TBC1D8B: variants seen among roughly 807,000 people sequenced by gnomAD.
The protein encoded by TBC1D8B is RP11-321G1.1.
A neutral mutation model predicts 82.9 loss-of-function variants in TBC1D8B; 75 were observed. The observed-to-expected ratio is 0.90, with a 90% CI of 0.75 to 1.10. The LOEUF (loss-of-function observed/expected upper bound fraction) is 1.10, where lower values mean the gene tolerates loss of function less well. Ranked by LOEUF, TBC1D8B falls within the 50% of genes least tolerant of loss-of-function variation. The pLI, the probability that TBC1D8B is intolerant of heterozygous loss-of-function variation, is 0.00. For synonymous variants in TBC1D8B, 276 were observed against 276.8 expected (o/e 1.00, Z 0.03); for missense variants, 794 against 796.9 (o/e 1.00, Z 0.04).
At chrX:106,813,962 G>C (rs775649755) in intron 1 of TBC1D8B, 1 of 109,054 alleles carries the variant, frequency 9.2e-6, no homozygotes, top group East Asian at 2.9e-4. Context: ...ACCCATTAAC[G>C]CGTCATTTAG....
rs1345332581 is a variant in TBC1D8B, at chrX:106,842,514, T to C, written c.1719+1630T>C. On this transcript the variant is annotated intron_variant, in intron 10 of 20. Coordinates refer to ENST00000357242, the MANE Select transcript of TBC1D8B (RefSeq NM_017752.3). Reference sequence around the variant, plus strand: ...AAGATCATGAAGAATCTTTCAAGCCTGGGAAAAGAATTTAAACTTAATATG... The same window carrying C: ...AAGATCATGAAGAATCTTTCAAGCCCGGGAAAAGAATTTAAACTTAATATG... Among the ~76,000 whole-genome samples the C allele has an allele frequency of 2.7e-5, 3 of 110,974 alleles. No individual in the cohort carries two copies. In the East Asian group the frequency reaches 8.5e-4, roughly 31 times the overall value.
rs765804260 is a variant in TBC1D8B, at chrX:106,865,586, T to C, written c.2380T>C (p.Leu794=). The change falls in exon 15 of 21, where the codon TTG becomes CTG. Residue 794 remains leucine (L), a synonymous_variant. Transcript: ENST00000357242. ...GCGTGTTGTATCACAAGATGTGAAA[T>C]TGAGCCTTCAAGAATTGGATGAACT... is the stretch of plus-strand genomic sequence containing the variant. ...VLRVVSQDVK[L]SLQELDELYV... is the part of the protein sequence containing the mutation. The C allele has an allele frequency of 5.0e-5, 60 of 1,200,021 alleles. No homozygotes were observed. The highest frequency in any genetic ancestry group is 5.3e-5 in the Non-Finnish European group (47 of 890,493).
At chrX:106,818,622 C>A (rs1183144359) in intron 1 of TBC1D8B, 41 bp from the exon 2 acceptor site, 1 of 1,010,767 alleles carries the variant, frequency 9.9e-7, no homozygotes, top group Non-Finnish European at 1.4e-6. Context: ...TGATTTATCT[C>A]TTGTAAAGTC....
intron 7 of TBC1D8B, among the ~76,000 whole-genome samples, chrX:106,837,461 A>C (rs1932200047): frequency 8.9e-6 from 1 of 112,155 alleles, no homozygotes; most frequent in Non-Finnish European, 1.9e-5. Flanking sequence ...ATCATTAGTC[A>C]ATAGAGAAAT....
rs775778269 is a variant in TBC1D8B, at chrX:106,827,220, C to T, written c.1086C>T (p.Ser362=). ...TNDSSKSVII[S]IKGKTAFRFH... ...ATTCCAGCAAATCTGTCATCATTAG[C>T]ATCAAAGGAAAAACAGCTTTTCGCT... Residue 362 remains serine (S), a synonymous_variant, in exon 7 of 21, where the codon AGC becomes AGT. Transcript: ENST00000357242. The T allele has an allele frequency of 4.2e-5, 51 of 1,209,356 alleles. No individual in the cohort carries two copies. Among genetic ancestry groups the T allele is most frequent in the Non-Finnish European group, 5.6e-5 (50 of 894,776 alleles).
chrX:106,871,605 A>G (rs1037213255), intron 20 of TBC1D8B, among the ~76,000 whole-genome samples: 1 of 111,474 alleles, frequency 9.0e-6, no homozygotes, highest in Admixed American at 9.5e-5. Context: ...GTGTCCTCCA[A>G]TTAAATTCCA....
Sources: gnomAD v4.1 joint callset for allele counts (sites outside exome capture counted in the v4.1 genomes callset) on GRCh38, gnomAD v4.1.1 for gene constraint, MANE v1.5 for transcripts, NCBI Gene and HGNC (gene_info 2026-07-23, HGNC 2026-07-21) for gene names.